The following ADARB1 variants were observed in gnomAD, a reference collection of about 807,000 sequenced individuals.
ADARB1 encodes adenosine deaminase RNA specific B1, also known as double-stranded RNA-specific editase 1.
In ADARB1, 10 loss-of-function variants were observed where a neutral mutation model predicts 52.4. The observed-to-expected ratio is 0.19, with a 90% CI of 0.12 to 0.32. ADARB1 has a LOEUF of 0.32. Ranked by LOEUF, ADARB1 falls within the 10% of genes least tolerant of loss-of-function variation. The probability of loss-of-function intolerance (pLI) is 1.00; values close to 1 mark genes in which losing one functional copy is unlikely to be tolerated. For synonymous variants in ADARB1, 349 were observed against 371.1 expected (o/e 0.94, Z 0.68); for missense variants, 643 against 922.3 (o/e 0.70, Z 3.92).
At chr21:45,199,348 A>T (rs1469513162) in intron 8 of ADARB1, among the ~76,000 whole-genome samples, 2 of 152,204 alleles carry the variant, frequency 1.3e-5, no homozygotes, top group Admixed American at 6.5e-5. Context: ...GCTCAGGCAC[A>T]GGGCTCCACT....
chr21:45,124,241 G>A (rs1788780421), intron 1 of ADARB1, among the ~76,000 whole-genome samples: 1 of 152,202 alleles, frequency 6.6e-6, no homozygotes, highest in African/African-American at 2.4e-5. Flanking sequence ...CTTCACAGAA[G>A]TGTCTTGTTG....
chr21:45,121,100 T>G (rs969157885), intron 1 of ADARB1: 1 of 152,220 alleles, frequency 6.6e-6, no homozygotes, highest in African/African-American at 2.4e-5. Flanking sequence ...TTGACAGATT[T>G]TACTACCGAG....
intron 1 of ADARB1, among the ~76,000 whole-genome samples, chr21:45,093,447 A>C (rs1230980950): frequency 6.6e-6 from 1 of 152,072 alleles, no homozygotes; most frequent in Non-Finnish European, 1.5e-5. Flanking sequence ...GGAAGAGAGG[A>C]CCCGGCTTTC....
intron 1 of ADARB1, among the ~76,000 whole-genome samples, chr21:45,117,749 A>G (rs988452377): frequency 6.6e-6 from 1 of 152,210 alleles, no homozygotes; most frequent in Non-Finnish European, 1.5e-5. Context: ...AAATGGAAGT[A>G]ATACCAGCAC....
intron 1 of ADARB1, among the ~76,000 whole-genome samples, chr21:45,120,631 ACCG>A (rs1207581130): frequency 6.6e-6 from 1 of 152,206 alleles, no homozygotes; most frequent in East Asian, 1.9e-4. Flanking sequence ...CACCCCTGCC[ACCG>A]CATTGCTCTG....
chr21:45,096,469 C>G (rs2086765850), intron 1 of ADARB1, among the ~76,000 whole-genome samples: 1 of 152,258 alleles, frequency 6.6e-6, no homozygotes, highest in African/African-American at 2.4e-5. Context: ...GTCCTCAACA[C>G]TGCCCTGCCC....
At chr21:45,151,728 G>T (rs374482719) in intron 2 of ADARB1, among the ~76,000 whole-genome samples, 1 of 152,184 alleles carries the variant, frequency 6.6e-6, no homozygotes, top group Admixed American at 6.5e-5. Flanking sequence ...GCTGGATCCC[G>T]AGTGGCAGAG....
chr21:45,141,937 G>A (rs1386310839), intron 2 of ADARB1, among the ~76,000 whole-genome samples: 1 of 151,948 alleles, frequency 6.6e-6, no homozygotes, highest in African/African-American at 2.4e-5. Context: ...AGCTACCCCA[G>A]GATCACCTTA....
At chr21:45,215,658 G>A (rs768726750) in intron 9 of ADARB1, among the ~76,000 whole-genome samples, 22 of 152,068 alleles carry the variant, frequency 1.4e-4, no homozygotes. Context: ...TAGTGGTGAC[G>A]TTAAAAAAAA....
chr21:45,104,067 T>A (rs993000381), intron 1 of ADARB1, among the ~76,000 whole-genome samples: 1 of 151,546 alleles, frequency 6.6e-6, no homozygotes, highest in African/African-American at 2.4e-5. Flanking sequence ...GGGAGGGGGG[T>A]CCCTCCTGGA....
chr21:45,110,343 A>G (rs1335659410), intron 1 of ADARB1, among the ~76,000 whole-genome samples: 2 of 152,224 alleles, frequency 1.3e-5, no homozygotes, highest in Non-Finnish European at 2.9e-5. Flanking sequence ...TTTCCCACGA[A>G]TTTGAAAACC....
intron 1 of ADARB1, among the ~76,000 whole-genome samples, chr21:45,093,712 C>T (rs1359471237): frequency 6.6e-6 from 1 of 152,150 alleles, no homozygotes; most frequent in Non-Finnish European, 1.5e-5. Flanking sequence ...GCTGCAGCCT[C>T]AGGAATGTCA....
chr21:45,174,505 C>G (rs144277924), intron 3 of ADARB1, among the ~76,000 whole-genome samples: 1,912 of 152,204 alleles, frequency 0.013, 47 homozygotes, highest in African/African-American at 0.042. Context: ...GAGTTCCAGA[C>G]CAGCCTGACC....
chr21:45,123,768 G>C (rs1310314692), intron 1 of ADARB1, among the ~76,000 whole-genome samples: 1 of 150,608 alleles, frequency 6.6e-6, no homozygotes, highest in African/African-American at 2.5e-5. Context: ...GCCTCGCTGA[G>C]TTTTTAATTT....
intron 2 of ADARB1, among the ~76,000 whole-genome samples, chr21:45,170,912 C>T (rs1037599508): frequency 6.6e-6 from 1 of 152,078 alleles, no homozygotes; most frequent in Admixed American, 6.5e-5. Context: ...TTTCTCCTGC[C>T]AACAAAATAA....
At position 45,185,056 on chromosome 21, in the gene ADARB1, G is replaced by T; in HGVS notation, c.1530G>T (p.Arg510=). The change falls in exon 8 of 11, where the codon CGG becomes CGT. Residue 510 remains arginine (R), a synonymous_variant. Transcript: ENST00000348831. ...GGGACGGGGTGCTGCAAGGGGAGCG[G>T]CTGCTCACCATGTCCTGCAGTGACA... The part of the protein sequence containing the change: ...QTWDGVLQGE[R]LLTMSCSDKI... The T allele has an allele frequency of 6.2e-7, 1 of 1,614,198 alleles. No individual in the cohort carries two copies. The highest frequency in any genetic ancestry group is 1.3e-5 in the African/African-American group (1 of 75,060).
intron 1 of ADARB1, among the ~76,000 whole-genome samples, chr21:45,106,727 G>T (rs80054817): frequency 0.015 from 2,240 of 152,314 alleles, 52 homozygotes; most frequent in African/African-American, 0.05. Context: ...AGAAGGTATT[G>T]TTGAGAACAA....
chr21:45,089,545 C>T (rs748749252), intron 1 of ADARB1, among the ~76,000 whole-genome samples: 2 of 151,734 alleles, frequency 1.3e-5, no homozygotes, highest in African/African-American at 2.4e-5. Flanking sequence ...AGAATACTTT[C>T]CCTACTACAA....
intron 1 of ADARB1, among the ~76,000 whole-genome samples, chr21:45,080,977 G>A (rs1036306729): frequency 1.3e-5 from 2 of 152,162 alleles, no homozygotes; most frequent in Non-Finnish European, 2.9e-5. Flanking sequence ...ATTTGTTTTT[G>A]TGATTATTTG....
Sources: allele counts gnomAD v4.1 joint callset (sites outside exome capture counted in the v4.1 genomes callset), GRCh38; gene constraint gnomAD v4.1.1; transcripts MANE v1.5; gene names NCBI Gene and HGNC (gene_info 2026-07-23, HGNC 2026-07-21).